TYW5: variants seen among roughly 807,000 people sequenced by gnomAD.
The protein encoded by TYW5 is tRNA wybutosine-synthesizing protein 5.
A neutral mutation model predicts 44.4 loss-of-function variants in TYW5; 36 were observed. The ratio of observed to expected loss-of-function variants is 0.81; its 90% CI spans 0.62 to 1.07. The LOEUF (loss-of-function observed/expected upper bound fraction) is 1.07, where lower values mean the gene tolerates loss of function less well. Among genes scored for constraint, TYW5 ranks in the 50% least tolerant of loss-of-function variants. TYW5 has a pLI of 0.00. For missense variants in TYW5, 354 were observed against 365.7 expected (o/e 0.97, Z 0.26); for synonymous variants, 121 against 128.1 (o/e 0.94, Z 0.37).
At chr2:199,952,763 C>T (rs1389807447) in intron 1 of TYW5, among the ~76,000 whole-genome samples, 1 of 152,240 alleles carries the variant, frequency 6.6e-6, no homozygotes. Flanking sequence ...ATATTTTCTA[C>T]TAGCACTTGT....
chr2:199,928,962 A>AG lies in TYW5; in HGVS notation c.*4104dup, dbSNP rs2077348900. Among the ~76,000 whole-genome samples, 1 of 152,208 alleles carries AG rather than the reference A, an allele frequency of 6.6e-6. No homozygotes were observed. The highest frequency in any genetic ancestry group is 1.9e-4 in the East Asian group (1 of 5,200). On this transcript the variant is annotated 3_prime_UTR_variant, in exon 8 of 8. Transcript: ENST00000354611. ...TAAATCTTATGAGGTAAAATACAAA[A>AG]GGTAGTATTCATAAAAGAGCTATTT...
chr2:199,950,772 T>C (rs2077538764), intron 1 of TYW5, among the ~76,000 whole-genome samples: 2 of 152,142 alleles, frequency 1.3e-5, no homozygotes, highest in Non-Finnish European at 2.9e-5. Flanking sequence ...GACCCTGAAC[T>C]GAAATAAGCA....
intron 2 of TYW5, chr2:199,944,564 T>C (rs1245760810): frequency 6.6e-6 from 1 of 152,248 alleles, no homozygotes; most frequent in African/African-American, 2.4e-5. Flanking sequence ...ATTGCATCTA[T>C]TCCTTTACTC....
intron 2 of TYW5, chr2:199,946,490 T>C (rs1352809012): frequency 6.6e-6 from 1 of 152,202 alleles, no homozygotes; most frequent in African/African-American, 2.4e-5. Flanking sequence ...TAAAAAAATC[T>C]ATGATCAGAA....
At chr2:199,944,609 T>C (rs1329740297) in intron 2 of TYW5, 1 of 152,204 alleles carries the variant, frequency 6.6e-6, no homozygotes, top group East Asian at 1.9e-4. Flanking sequence ...TAAATGATGG[T>C]GATACTGTAT....
intron 1 of TYW5, among the ~76,000 whole-genome samples, chr2:199,951,845 T>C (rs1268619999): frequency 6.6e-6 from 1 of 151,872 alleles, no homozygotes; most frequent in African/African-American, 2.4e-5. Flanking sequence ...TGAAACCCCA[T>C]CTCTACTAAA....
chr2:199,935,890 C>CT, intron 7 of TYW5, 41 bp downstream of exon 7: 1 of 1,298,738 alleles, frequency 7.7e-7, no homozygotes, highest in Non-Finnish European at 1.1e-6. Context: ...ACAGAGTACA[C>CT]ATTTTATAAA....
At chr2:199,935,818 C>T in intron 7 of TYW5, 113 bp downstream of exon 7, 2 of 692,220 alleles carry the variant, frequency 2.9e-6, no homozygotes, top group East Asian at 5.3e-5. Flanking sequence ...TTGTATAGGA[C>T]CGGATACATA....
intron 1 of TYW5, 94 bp downstream of exon 1, chr2:199,955,299 C>T (rs1239690713): frequency 1.4e-6 from 2 of 1,429,812 alleles, no homozygotes; most frequent in Non-Finnish European, 1.9e-6. Flanking sequence ...TTTCCCACAC[C>T]CTGGGTCTCT....
chr2:199,936,097 TA>T (rs1193132725), intron 6 of TYW5, 50 bp from the exon 7 acceptor site: 6 of 1,056,862 alleles, frequency 5.7e-6, no homozygotes, highest in Admixed American at 4.2e-5. Context: ...GTTAGCATTT[TA>T]AAAAAAGTAA....
At chr2:199,943,604 T>C in intron 3 of TYW5, 161 bp downstream of exon 3, 1 of 574,452 alleles carries the variant, frequency 1.7e-6, no homozygotes, top group Non-Finnish European at 3.0e-6. Flanking sequence ...GTTTGAGAGC[T>C]AATAAATAGC....
rs1301475145 is a variant in TYW5 at position 199,933,868 on chromosome 2, A to G, written c.692-545T>C. On this transcript the variant is annotated intron_variant, in intron 7 of 7. Coordinates refer to ENST00000354611, the MANE Select transcript of TYW5 (RefSeq NM_001039693.3). ...TTGAATGCAATTATAATCATCTTAT[A>G]TTTCTTTCAGCTCCTTTATAAATAG... Among the ~76,000 whole-genome samples, 7 of 152,248 alleles carry G rather than the reference A, an allele frequency of 4.6e-5. No homozygotes were observed. The East Asian group carries it at 1.3e-3, about 29-fold the overall frequency.
chr2:199,950,714 G>C (rs529481604), intron 1 of TYW5, among the ~76,000 whole-genome samples: 2 of 152,300 alleles, frequency 1.3e-5, no homozygotes, highest in Admixed American at 1.3e-4. Flanking sequence ...TCCAGGATTG[G>C]TTCCTACCTT....
chr2:199,951,832 C>T (rs1263846403), intron 1 of TYW5, among the ~76,000 whole-genome samples: 1 of 152,008 alleles, frequency 6.6e-6, no homozygotes, highest in Admixed American at 6.6e-5. Context: ...CTGGCTAACA[C>T]AGTGAAACCC....
chr2:199,935,560 C>T lies in TYW5; in HGVS notation c.691+371G>A, dbSNP rs553041240. On this transcript the variant is annotated intron_variant, in intron 7 of 7. Transcript: ENST00000354611. The stretch of plus-strand genomic sequence containing the variant: ...ACGGGGTCTCGCTATGTTGCCCATG[C>T]TGGTCTTGCACTTTTGGCCTCAAGC... Among the ~76,000 whole-genome samples the T allele has an allele frequency of 3.3e-5, 5 of 149,352 alleles. No homozygotes were observed. In the South Asian group the frequency reaches 1.1e-3, roughly 32 times the overall value.
rs182348283 is a variant in TYW5, at chr2:199,953,284, C to T, written c.78+2109G>A. Among the ~76,000 whole-genome samples the T allele has an allele frequency of 3.4e-3, 520 of 152,166 alleles. 5 individuals carry two copies. Among genetic ancestry groups the T allele is most frequent in the African/African-American group, 0.012 (480 of 41,500 alleles). On this transcript the variant is annotated intron_variant, in intron 1 of 7. Coordinates refer to ENST00000354611, the MANE Select transcript of TYW5 (RefSeq NM_001039693.3). Reference sequence around the variant, plus strand: ...GTTAACGTGAGCCGAGACTGTGCCACTGTACTCCAGCCTGGGCGATAAGAG... The same window carrying T: ...GTTAACGTGAGCCGAGACTGTGCCATTGTACTCCAGCCTGGGCGATAAGAG...
At chr2:199,944,777 T>C (rs2077491418) in intron 2 of TYW5, 2 of 152,196 alleles carry the variant, frequency 1.3e-5, no homozygotes, top group South Asian at 4.1e-4. Context: ...ACTGAGAAAG[T>C]CGAAAGAAAA....
In TYW5 at chr2:199,929,574, GTCAAC is replaced by G. The variant is rs2077357880; in HGVS notation, c.*3488_*3492del. ...CCTGCATTTTTTTTTTTTTTTTTTT[GTCAAC>G]TCCTTTGATGTCTGTTGGCAACTTT... On this transcript the variant is annotated 3_prime_UTR_variant, in exon 8 of 8. Coordinates refer to ENST00000354611, the MANE Select transcript of TYW5 (RefSeq NM_001039693.3). Among the ~76,000 whole-genome samples the G allele has an allele frequency of 4.4e-5, 2 of 45,002 alleles. No individual in the cohort carries two copies. The highest frequency in any genetic ancestry group is 9.7e-5 in the Non-Finnish European group (2 of 20,554). 29.5% of individuals were successfully genotyped at this position (45,002 alleles called of 152,430 possible). A position where few individuals can be genotyped will look rare whatever the true frequency, so the allele number is the denominator to read the frequency against.
rs555505359 is a variant in TYW5 at position 199,935,531 on chromosome 2, C to T, written c.691+400G>A. Among the ~76,000 whole-genome samples, 4 of 150,686 alleles carry T rather than the reference C, an allele frequency of 2.7e-5. No homozygotes were observed. The South Asian group carries it at 6.3e-4, about 24-fold the overall frequency. ...ACTAAATTTATTTATTTATTTTTGTCGAGACGGGGTCTCGCTATGTTGCCC... is the reference window on the plus strand; with the variant it reads ...ACTAAATTTATTTATTTATTTTTGTTGAGACGGGGTCTCGCTATGTTGCCC... On this transcript the variant is annotated intron_variant, in intron 7 of 7. Transcript: ENST00000354611.
Sources: allele counts gnomAD v4.1 joint callset (sites outside exome capture counted in the v4.1 genomes callset), GRCh38; gene constraint gnomAD v4.1.1; transcripts MANE v1.5; gene names NCBI Gene and HGNC (gene_info 2026-07-23, HGNC 2026-07-21).